SDK1: variants seen among roughly 807,000 people sequenced by gnomAD.
SDK1 encodes the protein sidekick cell adhesion molecule 1, also known as protein sidekick-1.
SDK1 carries 157 observed loss-of-function variants against 245.5 expected under a neutral mutation model. The observed-to-expected ratio is 0.64, with a 90% CI of 0.56 to 0.73. The LOEUF is 0.73. Among genes scored for constraint, SDK1 ranks in the 30% least tolerant of loss-of-function variants. The pLI, the probability that SDK1 is intolerant of heterozygous loss-of-function variation, is 0.00. For missense variants in SDK1, 3,583 were observed against 3,002.3 expected (o/e 1.19, Z -4.52); for synonymous variants, 1,647 against 1,278.5 (o/e 1.29, Z -6.15).
chr7:4,165,853 C>T (rs1781466543), intron 32 of SDK1, among the ~76,000 whole-genome samples: 1 of 151,964 alleles, frequency 6.6e-6, no homozygotes, highest in Non-Finnish European at 1.5e-5. Context: ...GTGGCGCAAT[C>T]ATAGCTCATT....
chr7:3,556,374 T>C (rs138996683), intron 1 of SDK1, among the ~76,000 whole-genome samples: 1 of 152,156 alleles, frequency 6.6e-6, no homozygotes, highest in East Asian at 1.9e-4. Flanking sequence ...CTCATGGAGA[T>C]AAAGGGTAGA....
intron 5 of SDK1, among the ~76,000 whole-genome samples, chr7:3,925,718 C>G (rs780875086): frequency 6.6e-6 from 1 of 152,168 alleles, no homozygotes; most frequent in Non-Finnish European, 1.5e-5. Flanking sequence ...AATTCAGAGC[C>G]TCATCTCAGA....
Position 3,540,767 on chromosome 7 carries a change from C to G in SDK1, c.299-78313C>G, listed in dbSNP as rs565128348. ...CATAAGGCTCTGGCAAGAAAAGAGT[C>G]CAAGATCATATAAATTTTTATGTTG... On this transcript the variant is annotated intron_variant, in intron 1 of 44. Transcript: ENST00000404826. Among the ~76,000 whole-genome samples the G allele has an allele frequency of 2.4e-3, 371 of 152,166 alleles. 3 individuals carry two copies. The highest frequency in any genetic ancestry group is 0.018 in the South Asian group (88 of 4,828).
intron 35 of SDK1, among the ~76,000 whole-genome samples, chr7:4,203,447 C>G (rs1411427771): frequency 6.6e-6 from 1 of 152,092 alleles, no homozygotes; most frequent in Non-Finnish European, 1.5e-5. Flanking sequence ...CTTTAAATGC[C>G]AGTTGCAGGC....
chr7:4,159,872 G>A (rs1169092285), intron 31 of SDK1, among the ~76,000 whole-genome samples: 1 of 152,248 alleles, frequency 6.6e-6, no homozygotes, highest in African/African-American at 2.4e-5. Flanking sequence ...TTATAACATT[G>A]TAACATTGTT....
intron 1 of SDK1, among the ~76,000 whole-genome samples, chr7:3,455,044 C>A (rs1014256302): frequency 6.6e-6 from 1 of 151,660 alleles, no homozygotes; most frequent in Admixed American, 6.6e-5. Context: ...GCAGTGATAT[C>A]TTGTGGCTTT....
intron 5 of SDK1, among the ~76,000 whole-genome samples, chr7:3,935,375 C>A (rs1438822826): frequency 1.3e-5 from 2 of 152,030 alleles, no homozygotes; most frequent in Non-Finnish European, 2.9e-5. Context: ...GCACAGGCAA[C>A]AAAAGAAAAA....
chr7:3,677,526 A>C (rs1013374149), intron 4 of SDK1, among the ~76,000 whole-genome samples: 2 of 152,212 alleles, frequency 1.3e-5, no homozygotes, highest in Admixed American at 6.5e-5. Context: ...CGTGAGACTT[A>C]TTCACTACCA....
chr7:3,426,485 A>G (rs970116876), intron 1 of SDK1, among the ~76,000 whole-genome samples: 62 of 152,190 alleles, frequency 4.1e-4, no homozygotes, highest in African/African-American at 1.4e-3. Flanking sequence ...AATGGTGATA[A>G]TAAGAGAAGC....
chr7:4,130,435 G>A (rs930406622), intron 27 of SDK1: 4 of 294,130 alleles, frequency 1.4e-5, no homozygotes, highest in East Asian at 7.6e-5. Context: ...CACACACTTC[G>A]TGTAGTGCCC....
At chr7:3,830,846 G>C (rs992173422) in intron 5 of SDK1, among the ~76,000 whole-genome samples, 4 of 152,110 alleles carry the variant, frequency 2.6e-5, no homozygotes, top group African/African-American at 9.7e-5. Flanking sequence ...GACTTAGCCA[G>C]CAGCGAATGC....
At chr7:3,806,047 G>C (rs1779234839) in intron 4 of SDK1, among the ~76,000 whole-genome samples, 1 of 152,118 alleles carries the variant, frequency 6.6e-6, no homozygotes, top group Non-Finnish European at 1.5e-5. Flanking sequence ...ATAATGCCCT[G>C]AGGTCAAAGA....
At chr7:3,550,211 A>C (rs939556325) in intron 1 of SDK1, among the ~76,000 whole-genome samples, 9 of 152,234 alleles carry the variant, frequency 5.9e-5, no homozygotes, top group Non-Finnish European at 1.5e-5. Context: ...AGATAGCACC[A>C]ATTATAAAGG....
At chr7:4,130,154 A>G in intron 27 of SDK1, 57 bp downstream of exon 27, 3 of 1,463,292 alleles carry the variant, frequency 2.1e-6, no homozygotes, top group Non-Finnish European at 2.8e-6. Flanking sequence ...TGGCCTTTCC[A>G]ATGCAAACAA....
At chr7:4,005,202 C>T (rs767483140) in intron 14 of SDK1, among the ~76,000 whole-genome samples, 29 of 151,622 alleles carry the variant, frequency 1.9e-4, no homozygotes, top group Non-Finnish European at 3.8e-4. Context: ...CATGACACCA[C>T]GCCTGGCTAA....
intron 34 of SDK1, among the ~76,000 whole-genome samples, chr7:4,177,115 C>T (rs1041271741): frequency 1.3e-5 from 2 of 152,204 alleles, no homozygotes; most frequent in Non-Finnish European, 2.9e-5. Flanking sequence ...AGCACAGCTC[C>T]AACATGTTGA....
intron 1 of SDK1, among the ~76,000 whole-genome samples, chr7:3,538,915 C>T (rs997884335): frequency 2.6e-5 from 4 of 152,204 alleles, no homozygotes; most frequent in Non-Finnish European, 2.9e-5. Context: ...AAGAGGCAGA[C>T]GGAATCTTCT....
intron 21 of SDK1, among the ~76,000 whole-genome samples, chr7:4,079,208 T>C (rs752713269): frequency 1.1e-4 from 17 of 151,900 alleles, no homozygotes; most frequent in Non-Finnish European, 1.0e-4. Context: ...GCCTGCAGAG[T>C]TTCTCATCAG....
intron 1 of SDK1, among the ~76,000 whole-genome samples, chr7:3,377,795 T>C (rs1034756816): frequency 1.3e-4 from 20 of 152,138 alleles, no homozygotes; most frequent in African/African-American, 4.8e-4. Flanking sequence ...TATTTATTTT[T>C]GGAGACAGAG....
Sources: gnomAD v4.1 joint callset for allele counts (sites outside exome capture counted in the v4.1 genomes callset) on GRCh38, gnomAD v4.1.1 for gene constraint, MANE v1.5 for transcripts, NCBI Gene and HGNC (gene_info 2026-07-23, HGNC 2026-07-21) for gene names.